ANK1: variants seen among roughly 807,000 people sequenced by gnomAD.
The protein encoded by ANK1 is ankyrin-1.
ANK1 carries 51 observed loss-of-function variants against 210.4 expected under a neutral mutation model. The ratio of observed to expected loss-of-function variants is 0.24; its 90% CI spans 0.19 to 0.31. The LOEUF is 0.31. ANK1 is among the 10% of genes least tolerant of loss of function. ANK1 has a pLI of 1.00. For synonymous variants in ANK1, 967 were observed against 1,025.9 expected (o/e 0.94, Z 1.10); for missense variants, 2,051 against 2,504.4 (o/e 0.82, Z 3.86).
intron 1 of ANK1, among the ~76,000 whole-genome samples, chr8:41,818,008 A>G (rs1414466437): frequency 6.6e-6 from 1 of 152,214 alleles, no homozygotes; most frequent in Non-Finnish European, 1.5e-5. Flanking sequence ...GAGATTTCCA[A>G]CCTTTTGGAT....
intron 1 of ANK1, among the ~76,000 whole-genome samples, chr8:41,874,313 C>G (rs997819166): frequency 7.9e-5 from 12 of 152,198 alleles, no homozygotes; most frequent in Admixed American, 7.2e-4. Context: ...ATCTGAAAGG[C>G]CTCGATTTCA....
rs183370221 is a variant in ANK1 at position 41,774,983 on chromosome 8, A to T, written c.28-16846T>A. On this transcript the variant is annotated intron_variant, in intron 1 of 42. Coordinates refer to ENST00000289734, the MANE Select transcript of ANK1 (RefSeq NM_000037.4). ...TTCCTCTGCGGCCTGCTGGTATGCG[A>T]GGAGGAGGAGCACATACTGGAGAAA... 1.4e-3 allele frequency among the ~76,000 whole-genome samples: 210 copies of T among 152,322 alleles called. 1 individual carries two copies. The highest frequency in any genetic ancestry group is 2.5e-3 in the Non-Finnish European group (167 of 68,020).
chr8:41,660,988 C>T, intron 42 of ANK1: 1 of 276,550 alleles, frequency 3.6e-6, no homozygotes, highest in East Asian at 1.1e-4. Flanking sequence ...AATATTACCA[C>T]TTAGATTTAC....
intron 3 of ANK1, among the ~76,000 whole-genome samples, chr8:41,731,289 A>G (rs1273591425): frequency 6.6e-6 from 1 of 152,156 alleles, no homozygotes; most frequent in Non-Finnish European, 1.5e-5. Context: ...CTCCACAAAC[A>G]CCCAATTTCT....
chr8:41,865,139 A>G (rs560744892), intron 1 of ANK1, among the ~76,000 whole-genome samples: 3 of 152,198 alleles, frequency 2.0e-5, no homozygotes, highest in Non-Finnish European at 4.4e-5. Context: ...AAGGGCTCCA[A>G]GAGCTTGGGG....
At chr8:41,773,389 G>C (rs534831417) in intron 1 of ANK1, among the ~76,000 whole-genome samples, 1 of 152,230 alleles carries the variant, frequency 6.6e-6, no homozygotes, top group Non-Finnish European at 1.5e-5. Flanking sequence ...CATTAAACCC[G>C]AGATCCCTGG....
At chr8:41,896,227 C>G (rs897131184) in intron 1 of ANK1, 11 of 1,318,240 alleles carry the variant, frequency 8.3e-6, no homozygotes, top group Non-Finnish European at 1.1e-5. Context: ...GCCTTCCCCG[C>G]TCGGGTGCCG....
intron 1 of ANK1, among the ~76,000 whole-genome samples, chr8:41,855,515 G>A (rs1022109298): frequency 1.3e-5 from 2 of 152,174 alleles, no homozygotes; most frequent in African/African-American, 2.4e-5. Flanking sequence ...CAAAGAAGCC[G>A]CTTTCTATAT....
At chr8:41,701,700 C>G in intron 21 of ANK1, 78 bp from the exon 22 acceptor site, 1 of 1,424,142 alleles carries the variant, frequency 7.0e-7, no homozygotes, top group South Asian at 1.2e-5. Context: ...GTTCCCTGGT[C>G]ATGCCTGTGG....
intron 2 of ANK1, among the ~76,000 whole-genome samples, chr8:41,747,054 C>T (rs186042867): frequency 3.4e-4 from 51 of 152,064 alleles, no homozygotes; most frequent in Admixed American, 1.7e-3. Context: ...AATAAGACAA[C>T]GTAACAGCTT....
intron 42 of ANK1, among the ~76,000 whole-genome samples, chr8:41,658,779 G>T (rs1806675238): frequency 1.3e-5 from 2 of 152,196 alleles, no homozygotes; most frequent in Admixed American, 6.5e-5. Flanking sequence ...TGTAATCCCA[G>T]CTACTCAGGA....
At chr8:41,657,783 T>C (rs1437863037) in intron 42 of ANK1, among the ~76,000 whole-genome samples, 1 of 152,212 alleles carries the variant, frequency 6.6e-6, no homozygotes, top group Admixed American at 6.5e-5. Flanking sequence ...GATGAGGACC[T>C]AGGCCACCTC....
At chr8:41,688,023 TCAGA>T in intron 35 of ANK1, 129 bp downstream of exon 35, 1 of 1,152,862 alleles carries the variant, frequency 8.7e-7, no homozygotes, top group Non-Finnish European at 1.3e-6. Flanking sequence ...CAGACCCAGC[TCAGA>T]CAATCACAAA....
At chr8:41,793,671 C>A (rs755704079) in intron 1 of ANK1, among the ~76,000 whole-genome samples, 1 of 152,210 alleles carries the variant, frequency 6.6e-6, no homozygotes, top group Non-Finnish European at 1.5e-5. Flanking sequence ...TACACCCGAG[C>A]TTTCTTGACA....
At chr8:41,776,816 G>A (rs1433185725) in intron 1 of ANK1, among the ~76,000 whole-genome samples, 1 of 152,206 alleles carries the variant, frequency 6.6e-6, no homozygotes, top group Non-Finnish European at 1.5e-5. Context: ...CCTCCAAGAT[G>A]CACTTAAGCT....
In ANK1 at chr8:41,696,731, G is replaced by T; in HGVS notation, c.2680C>A (p.Pro894Thr). Residue 894 changes from proline (P) to threonine (T), a missense_variant, in exon 25 of 43, where the codon CCG becomes ACG. Transcript: ENST00000289734. ...YDEDSLIPSS[P>T]ATETSDNISP... The stretch of plus-strand genomic sequence containing the variant: ...ATGTTGTCTGAGGTCTCGGTGGCCG[G>T]GCTGCTGGGGATGAGGGAGTCCTCA... The T allele has an allele frequency of 6.3e-7, 1 of 1,599,704 alleles. No homozygotes were observed. The highest frequency in any genetic ancestry group is 8.5e-7 in the Non-Finnish European group (1 of 1,179,162).
chr8:41,831,639 CA>C (rs143137281), intron 1 of ANK1, among the ~76,000 whole-genome samples: 17,335 of 58,320 alleles, frequency 0.3, 1,082 homozygotes, highest in African/African-American at 0.41. Context: ...AAAAGTCTGT[CA>C]AAAAAAAAAA....
chr8:41,663,555 C>T (rs1017781420), intron 40 of ANK1, 104 bp downstream of exon 40: 48 of 1,167,214 alleles, frequency 4.1e-5, no homozygotes, highest in Non-Finnish European at 5.9e-5. Flanking sequence ...TGGCTGTGCT[C>T]ACCTGCTGTG....
At chr8:41,835,508 T>C (rs1807500535) in intron 1 of ANK1, among the ~76,000 whole-genome samples, 1 of 151,876 alleles carries the variant, frequency 6.6e-6, no homozygotes, top group South Asian at 2.1e-4. Context: ...GCGTATATTC[T>C]GCAAAGACCT....
Sources: gnomAD v4.1 joint callset for allele counts (sites outside exome capture counted in the v4.1 genomes callset) on GRCh38, gnomAD v4.1.1 for gene constraint, MANE v1.5 for transcripts, NCBI Gene and HGNC (gene_info 2026-07-23, HGNC 2026-07-21) for gene names.